NTRK3: variants seen among roughly 807,000 people sequenced by gnomAD.
The protein encoded by NTRK3 is neurotrophic receptor tyrosine kinase 3, also known as NT-3 growth factor receptor.
In NTRK3, 24 loss-of-function variants were observed where a neutral mutation model predicts 91.7. That is an observed-to-expected ratio of 0.26 (90% CI 0.19 to 0.37). The LOEUF is 0.37. NTRK3 is among the 10% of genes least tolerant of loss of function. The probability of loss-of-function intolerance (pLI) is 1.00; values close to 1 mark genes in which losing one functional copy is unlikely to be tolerated. For missense variants in NTRK3, 880 were observed against 1,068.9 expected (o/e 0.82, Z 2.46); for synonymous variants, 483 against 404.0 (o/e 1.20, Z -2.34).
chr15:88,107,200 T>A (rs916843323), intron 13 of NTRK3, among the ~76,000 whole-genome samples: 1 of 152,036 alleles, frequency 6.6e-6, no homozygotes, highest in Non-Finnish European at 1.5e-5. Context: ...CCCAGCTCTT[T>A]GGGAGGCTGA....
intron 3 of NTRK3, among the ~76,000 whole-genome samples, chr15:88,207,207 G>A (rs540802664): frequency 6.6e-6 from 1 of 152,260 alleles, no homozygotes; most frequent in South Asian, 2.1e-4. Flanking sequence ...TGATTGCTGG[G>A]ACTATTATAT....
chr15:87,946,824 G>C (rs1422448774), intron 14 of NTRK3, among the ~76,000 whole-genome samples: 1 of 149,222 alleles, frequency 6.7e-6, no homozygotes, highest in African/African-American at 2.5e-5. Context: ...TCCTGAGCCA[G>C]ATACCAGGCT....
At chr15:88,066,994 G>C (rs2046705656) in intron 13 of NTRK3, among the ~76,000 whole-genome samples, 1 of 152,088 alleles carries the variant, frequency 6.6e-6, no homozygotes, top group Non-Finnish European at 1.5e-5. Context: ...GCTCAACCTT[G>C]CCACATTCTC....
intron 13 of NTRK3, among the ~76,000 whole-genome samples, chr15:88,065,700 C>A (rs972831551): frequency 6.6e-6 from 1 of 152,148 alleles, no homozygotes. Context: ...GGAACTGTTT[C>A]CGTCTTATTT....
chr15:87,962,649 G>A (rs2072407349), intron 14 of NTRK3, among the ~76,000 whole-genome samples: 1 of 152,144 alleles, frequency 6.6e-6, no homozygotes, highest in Non-Finnish European at 1.5e-5. Flanking sequence ...AGATCAGTGG[G>A]TTGGCTGGAA....
At chr15:87,964,090 AG>A (rs1212383406) in intron 14 of NTRK3, among the ~76,000 whole-genome samples, 1 of 152,332 alleles carries the variant, frequency 6.6e-6, no homozygotes, top group Admixed American at 6.5e-5. Context: ...AGTGCACAAT[AG>A]TATGTATGAC....
intron 3 of NTRK3, among the ~76,000 whole-genome samples, chr15:88,229,479 G>C (rs565477329): frequency 6.6e-6 from 1 of 152,276 alleles, no homozygotes; most frequent in Admixed American, 6.5e-5. Flanking sequence ...TCAAAGATGT[G>C]AGGAGGGACT....
intron 17 of NTRK3, 135 bp from the exon 18 acceptor site, chr15:87,885,870 AC>A (rs1266346917): frequency 1.3e-5 from 5 of 394,064 alleles, no homozygotes; most frequent in Non-Finnish European, 2.2e-5. Flanking sequence ...TAGAGATACA[AC>A]TTACAAAAAT....
chr15:88,106,084 A>G (rs2050677803), intron 13 of NTRK3, among the ~76,000 whole-genome samples: 2 of 152,238 alleles, frequency 1.3e-5, no homozygotes, highest in African/African-American at 4.8e-5. Context: ...TCAAGATTAC[A>G]TATTTTCATT....
At chr15:88,010,741 C>T (rs2076819746) in intron 14 of NTRK3, among the ~76,000 whole-genome samples, 1 of 145,446 alleles carries the variant, frequency 6.9e-6, no homozygotes, top group Admixed American at 6.7e-5. Flanking sequence ...GGAATTTACA[C>T]ACACACCCAC....
chr15:88,128,264 C>T (rs1003775128), intron 11 of NTRK3, among the ~76,000 whole-genome samples: 1 of 152,180 alleles, frequency 6.6e-6, no homozygotes, highest in Non-Finnish European at 1.5e-5. Context: ...TATCAGGAAA[C>T]CTTGTAAGTC....
chr15:87,952,249 GAA>G (rs755766049), intron 14 of NTRK3, among the ~76,000 whole-genome samples: 2 of 144,874 alleles, frequency 1.4e-5, no homozygotes, highest in Non-Finnish European at 3.0e-5. Flanking sequence ...GAAAAAGAAA[GAA>G]AGAGAAAGAA....
chr15:88,004,404 G>T (rs1457132626), intron 14 of NTRK3, among the ~76,000 whole-genome samples: 1 of 152,178 alleles, frequency 6.6e-6, no homozygotes, highest in Non-Finnish European at 1.5e-5. Flanking sequence ...TCTCATGTGG[G>T]CAAGAAAAGG....
intron 3 of NTRK3, among the ~76,000 whole-genome samples, chr15:88,195,996 C>T (rs2047782544): frequency 6.6e-6 from 1 of 152,166 alleles, no homozygotes; most frequent in Non-Finnish European, 1.5e-5. Context: ...TAACTACCCG[C>T]ATGGAGGACT....
chr15:87,901,310 G>A (rs2066440354), intron 17 of NTRK3, among the ~76,000 whole-genome samples: 1 of 152,240 alleles, frequency 6.6e-6, no homozygotes. Context: ...TTCCTCCTCT[G>A]TTAACACACA....
intron 5 of NTRK3, among the ~76,000 whole-genome samples, chr15:88,150,300 G>C (rs911792208): frequency 7.2e-5 from 11 of 152,184 alleles, no homozygotes; most frequent in Non-Finnish European, 1.5e-4. Context: ...GGCTGCCAGC[G>C]ATGTCCTCTC....
At chr15:88,112,116 C>T (rs1224132028) in intron 13 of NTRK3, among the ~76,000 whole-genome samples, 3 of 152,072 alleles carry the variant, frequency 2.0e-5, no homozygotes, top group Non-Finnish European at 4.4e-5. Context: ...CAATGTTAGC[C>T]AGGATGGTCT....
chr15:88,028,420 G>A (rs1254885163), intron 14 of NTRK3, among the ~76,000 whole-genome samples: 3 of 152,224 alleles, frequency 2.0e-5, no homozygotes, highest in Non-Finnish European at 1.5e-5. Context: ...GAAGCTCAAA[G>A]GAACATGGTC....
At chr15:88,127,111 GA>G in intron 12 of NTRK3, 50 bp downstream of exon 12, 1 of 1,486,412 alleles carries the variant, frequency 6.7e-7, no homozygotes, top group Non-Finnish European at 9.4e-7. Context: ...AATGAAGTCT[GA>G]AAATGACTAT....
Sources: gnomAD v4.1 joint callset for allele counts (sites outside exome capture counted in the v4.1 genomes callset) on GRCh38, gnomAD v4.1.1 for gene constraint, MANE v1.5 for transcripts, NCBI Gene and HGNC (gene_info 2026-07-23, HGNC 2026-07-21) for gene names.